The following GDF1 variants were observed in gnomAD, a reference collection of about 807,000 sequenced individuals.
The protein encoded by GDF1 is growth differentiation factor 1.
Under a neutral mutation model 7.4 loss-of-function variants are expected in GDF1, and 8 were observed. That is an observed-to-expected ratio of 1.09 (90% CI 0.64 to 1.96). The LOEUF (loss-of-function observed/expected upper bound fraction) is 1.96. GDF1 is among the 30% of genes most tolerant of loss of function. The pLI is 0.00. For missense variants in GDF1, 574 were observed against 551.5 expected, an observed-to-expected ratio of 1.04 and a Z score of -0.41; for synonymous variants, 311 against 276.7, an observed-to-expected ratio of 1.12 and a Z score of -1.23.
intron 3 of GDF1, chr19:18,881,930 C>T (rs1224935779): frequency 1.3e-5 from 2 of 152,396 alleles, no homozygotes; most frequent in South Asian, 2.1e-4. Flanking sequence ...CCACCTCAGC[C>T]TCTTGAGTAG....
Position 18,868,684 on chromosome 19 carries a change from G to A in GDF1, c.1032C>T (p.Pro344=), listed in dbSNP as rs1477857724. 1.9e-5 allele frequency: 30 copies of A among 1,568,228 alleles called. No individual in the cohort carries two copies. Among genetic ancestry groups the A allele is most frequent in the Middle Eastern group, 3.3e-4 (2 of 5,986 alleles). The change falls in exon 8 of 8, where the codon CCC becomes CCT. Residue 344 remains proline (P), a synonymous_variant. Coordinates refer to ENST00000247005, the MANE Select transcript of GDF1 (RefSeq NM_001492.6). ...TGTTGTCAAAGAAGAGCACGGAGATGGGCGACAGGCGCGCGGGCACGCAGC... is the reference window on the plus strand; with the variant it reads ...TGTTGTCAAAGAAGAGCACGGAGATAGGCGACAGGCGCGCGGGCACGCAGC... ...LPCCVPARLS[P]ISVLFFDNSD... is the part of the protein sequence containing the mutation.
intron 1 of GDF1, among the ~76,000 whole-genome samples, chr19:18,894,502 A>G (rs559876302): frequency 7.2e-4 from 110 of 152,014 alleles, no homozygotes; most frequent in African/African-American, 2.6e-3. Flanking sequence ...CGAGCACCCC[A>G]CCCAAGGGGC....
chr19:18,869,946 C>A, intron 7 of GDF1, 37 bp downstream of exon 7: 1 of 1,550,458 alleles, frequency 6.4e-7, no homozygotes, highest in Non-Finnish European at 8.7e-7. Context: ...GAGGTCTGGC[C>A]TCCAGGACCA....
Position 18,869,100 on chromosome 19 carries a change from T to TG in GDF1, c.615dup (p.Asn206GlnfsTer146). On this transcript the variant is annotated frameshift_variant, in exon 8 of 8. Coordinates refer to ENST00000247005, the MANE Select transcript of GDF1 (RefSeq NM_001492.6). LOFTEE classifies it low-confidence loss of function (END_TRUNC). ...CGGAGGCTGCGCGGCCATGAGGCGTTGCGAGCCCAAGCGGCGCCCAGCAGC... is the reference window on the plus strand; with the variant it reads ...CGGAGGCTGCGCGGCCATGAGGCGTTGGCGAGCCCAAGCGGCGCCCAGCAGC... 1 of 1,079,762 alleles carries TG rather than the reference T, an allele frequency of 9.3e-7. No homozygotes were observed. The highest frequency in any genetic ancestry group is 1.1e-6 in the Non-Finnish European group (1 of 889,980). 66.9% of individuals were successfully genotyped at this position (1,079,762 alleles called of 1,614,324 possible).
intron 4 of GDF1, 66 bp from the exon 5 acceptor site, chr19:18,879,454 A>T (rs2056139937): frequency 6.6e-7 from 1 of 1,526,572 alleles, no homozygotes; most frequent in African/African-American, 1.4e-5. Flanking sequence ...TCCCTGTCCT[A>T]TCCCGTCCTA....
chr19:18,895,734 G>T lies in GDF1; in HGVS notation c.-1074+90C>A. 2 of 690,748 alleles carry T rather than the reference G, an allele frequency of 2.9e-6. No individual in the cohort carries two copies. Among genetic ancestry groups the T allele is most frequent in the Non-Finnish European group, 3.8e-6 (2 of 519,738 alleles). The allele number at this position is 690,748 out of a possible 1,614,324, so 42.8% of individuals were successfully genotyped here. A position where few individuals can be genotyped will look rare whatever the true frequency, so the allele number is the denominator to read the frequency against. ...CCTTCATCCGCAGCAGCCAGCGCTG[G>T]AAGAAAGGAACGCGCCGGCGGCCCC... On this transcript the variant is annotated intron_variant, in intron 1 of 7. Transcript: ENST00000247005. This position sits in a 1 kb window ranked among gnomAD's most constrained non-coding sequence, Gnocchi z 6.4.
intron 5 of GDF1, 71 bp from the exon 6 acceptor site, chr19:18,879,110 C>A (rs534280834): frequency 1.3e-6 from 2 of 1,588,572 alleles, no homozygotes; most frequent in Non-Finnish European, 8.6e-7. Flanking sequence ...CAGCCATGTG[C>A]TCCTGTCCCG....
In GDF1 at chr19:18,869,013, G is replaced by T; in HGVS notation, c.703C>A (p.Leu235Met). Residue 235 changes from leucine to methionine, a missense_variant, in exon 8 of 8, where the codon CTG (leucine) becomes ATG (methionine). Leu to Met is a conservative substitution (Grantham distance 15). Transcript: ENST00000247005. ...CGCGGGTCGAGGGTCACCAGCAGCA[G>T]CGAGGCCTCGGCCAGGCGCGCGCAG... ...AACARLAEAS[L>M]LLVTLDPRLC... The T allele has an allele frequency of 9.2e-7, 1 of 1,092,312 alleles. No homozygotes were observed. Among genetic ancestry groups the T allele is most frequent in the Non-Finnish European group, 1.1e-6 (1 of 899,574 alleles). 67.7% of individuals were successfully genotyped at this position (1,092,312 alleles called of 1,614,324 possible).
intron 7 of GDF1, 93 bp from the exon 8 acceptor site, chr19:18,869,483 G>A (rs2055922437): frequency 1.1e-5 from 16 of 1,457,124 alleles, no homozygotes; most frequent in Non-Finnish European, 1.4e-5. Flanking sequence ...TGAACGCTGG[G>A]GCTCGGGGCG....
Position 18,895,725 on chromosome 19 carries a change from C to A in GDF1, c.-1074+99G>T. On this transcript the variant is annotated intron_variant, in intron 1 of 7. Coordinates refer to ENST00000247005, the MANE Select transcript of GDF1 (RefSeq NM_001492.6). The surrounding 1 kb of genome is among the most constrained non-coding windows in gnomAD (Gnocchi z 6.4). ...CCGGCGACCCCTTCATCCGCAGCAG[C>A]CAGCGCTGGAAGAAAGGAACGCGCC... 1 of 610,262 alleles carries A rather than the reference C, an allele frequency of 1.6e-6. No homozygotes were observed. Among genetic ancestry groups the A allele is most frequent in the East Asian group, 6.1e-5 (1 of 16,398 alleles). 37.8% of individuals were successfully genotyped at this position (610,262 alleles called of 1,614,324 possible).
Position 18,870,314 on chromosome 19 carries a change from C to T in GDF1, c.-7G>A, listed in dbSNP as rs2055945244. 1 of 1,545,236 alleles carries T rather than the reference C, an allele frequency of 6.5e-7. No homozygotes were observed. The highest frequency in any genetic ancestry group is 8.7e-7 in the Non-Finnish European group (1 of 1,146,344). ...CTTGCTGCGGCGGTGGCATCTTCCT[C>T]CCAGGCGATGACCAGAGAGTGCGCA... is the stretch of plus-strand genomic sequence containing the variant. On this transcript the variant is annotated 5_prime_UTR_variant, in exon 7 of 8. Coordinates refer to ENST00000247005, the MANE Select transcript of GDF1 (RefSeq NM_001492.6). The surrounding 1 kb of genome is among the most constrained non-coding windows in gnomAD (Gnocchi z 5.1).
intron 2 of GDF1, among the ~76,000 whole-genome samples, chr19:18,886,069 C>T (rs368430223): frequency 6.6e-6 from 1 of 152,180 alleles, no homozygotes; most frequent in African/African-American, 2.4e-5. Context: ...ACCTCCTCCT[C>T]TCCTCAGCCA....
At chr19:18,891,928 C>T (rs921454781) in intron 2 of GDF1, among the ~76,000 whole-genome samples, 12 of 149,706 alleles carry the variant, frequency 8.0e-5, no homozygotes, top group African/African-American at 2.7e-4. Flanking sequence ...AAGTCTTGCT[C>T]TGTCACCCAG....
chr19:18,869,546 C>A (rs2055924266), intron 7 of GDF1, among the ~76,000 whole-genome samples, 156 bp from the exon 8 acceptor site: 2 of 123,764 alleles, frequency 1.6e-5, no homozygotes, highest in South Asian at 2.5e-4. Context: ...GGAGTGGGGG[C>A]AGGGCATGAG....
chr19:18,880,462 A>G, intron 3 of GDF1, 27 bp from the exon 4 acceptor site: 1 of 1,555,044 alleles, frequency 6.4e-7, no homozygotes, highest in Non-Finnish European at 8.7e-7. Flanking sequence ...CAGAGAGGAG[A>G]GGGCAGCTCA....
rs1347539939 is a variant in GDF1 at position 18,878,789 on chromosome 19, GTC to G, written c.-313+139_-313+140del. 13 of 1,465,844 alleles carry G rather than the reference GTC, an allele frequency of 8.9e-6. No homozygotes were observed. Among genetic ancestry groups the G allele is most frequent in the South Asian group, 2.7e-5 (2 of 72,984 alleles). 90.8% of individuals were successfully genotyped at this position (1,465,844 alleles called of 1,614,324 possible). On this transcript the variant is annotated intron_variant, in intron 6 of 7. Coordinates refer to ENST00000247005, the MANE Select transcript of GDF1 (RefSeq NM_001492.6). The surrounding 1 kb of genome is among the most constrained non-coding windows in gnomAD (Gnocchi z 4.6). ...CCACATCGTCCACGCCTTTATTGCA[GTC>G]TCTGTTTTGGAGTAGGCTTGGGGGG... is the stretch of plus-strand genomic sequence containing the variant.
intron 6 of GDF1, among the ~76,000 whole-genome samples, chr19:18,876,314 A>G (rs1256218279): frequency 2.7e-5 from 4 of 150,926 alleles, no homozygotes; most frequent in Non-Finnish European, 5.9e-5. Flanking sequence ...GGTCTCTCAT[A>G]CCTGTTTTTA....
chr19:18,880,067 T>A (rs1357684281), intron 4 of GDF1, among the ~76,000 whole-genome samples: 1 of 145,982 alleles, frequency 6.9e-6, no homozygotes, highest in Non-Finnish European at 1.5e-5. Context: ...CACTCCTAGC[T>A]CAGTTGGCCC....
intron 6 of GDF1, among the ~76,000 whole-genome samples, chr19:18,875,363 T>C (rs188258462): frequency 2.2e-4 from 34 of 151,910 alleles, no homozygotes; most frequent in African/African-American, 7.7e-4. Flanking sequence ...CTGGCCAACA[T>C]GGTGAAACCC....
Sources: gnomAD v4.1 joint callset for allele counts (sites outside exome capture counted in the v4.1 genomes callset) on GRCh38, gnomAD v4.1.1 for gene constraint, Gnocchi (gnomAD v3.1) non-coding constraint, MANE v1.5 for transcripts, NCBI Gene and HGNC (gene_info 2026-07-23, HGNC 2026-07-21) for gene names.